Variants in TMEM178B observed in about 807,000 individuals in gnomAD.
The protein encoded by TMEM178B is transmembrane protein 178B.
A neutral mutation model predicts 31.0 loss-of-function variants in TMEM178B; 5 were observed. The ratio of observed to expected loss-of-function variants is 0.16; its 90% CI spans 0.08 to 0.34. The LOEUF is 0.34. Among genes scored for constraint, TMEM178B ranks in the 10% least tolerant of loss-of-function variants. The probability of loss-of-function intolerance (pLI) is 1.00; values close to 1 mark genes in which losing one functional copy is unlikely to be tolerated. For synonymous variants in TMEM178B, 164 were observed against 164.0 expected (o/e 1.00, Z 0.00); for missense variants, 275 against 400.3 (o/e 0.69, Z 2.67).
At chr7:141,300,837 T>C (rs1798711636) in intron 2 of TMEM178B, among the ~76,000 whole-genome samples, 1 of 152,122 alleles carries the variant, frequency 6.6e-6, no homozygotes, top group Non-Finnish European at 1.5e-5. Context: ...TTTCCTCTTT[T>C]CTCTTTCTAT....
At chr7:141,495,626 T>C in the TMEM178B span, among the ~76,000 whole-genome samples, 1 of 152,208 alleles carries the variant, frequency 6.6e-6, no homozygotes, top group East Asian at 1.9e-4. Context: ...TATACAAAGA[T>C]ATTCATTGCA....
chr7:141,124,956 CCTGGGCTA>C (rs1795466377), intron 1 of TMEM178B, among the ~76,000 whole-genome samples: 1 of 152,152 alleles, frequency 6.6e-6, no homozygotes, highest in Non-Finnish European at 1.5e-5. Context: ...TCCAGAATTA[CCTGGGCTA>C]CCTAATATCC....
At chr7:141,467,956 T>C (rs1336604769) in intron 3 of TMEM178B, among the ~76,000 whole-genome samples, 1 of 149,456 alleles carries the variant, frequency 6.7e-6, no homozygotes, top group Non-Finnish European at 1.5e-5. Context: ...CTTACTAGTT[T>C]TGGAGATGAT....
chr7:141,309,177 C>A (rs1160376247), intron 2 of TMEM178B, among the ~76,000 whole-genome samples: 1 of 152,120 alleles, frequency 6.6e-6, no homozygotes, highest in African/African-American at 2.4e-5. Context: ...ATAAAAATCA[C>A]CTGTATCTCC....
At chr7:141,105,180 A>G (rs1330749174) in intron 1 of TMEM178B, among the ~76,000 whole-genome samples, 1 of 152,174 alleles carries the variant, frequency 6.6e-6, no homozygotes, top group Admixed American at 6.5e-5. Context: ...TCATTGTATG[A>G]GCAAACCCCT....
intron 1 of TMEM178B, among the ~76,000 whole-genome samples, chr7:141,206,933 C>T (rs1299096711): frequency 6.6e-6 from 1 of 152,194 alleles, no homozygotes; most frequent in Non-Finnish European, 1.5e-5. Context: ...AATGGAATCT[C>T]CCCATTTCTC....
At chr7:141,245,544 A>G (rs1797716610) in intron 2 of TMEM178B, among the ~76,000 whole-genome samples, 1 of 152,230 alleles carries the variant, frequency 6.6e-6, no homozygotes, top group South Asian at 2.1e-4. Context: ...TTACAGCAAG[A>G]AGAGAAATCA....
chr7:141,174,133 C>A (rs1156267583), intron 1 of TMEM178B, among the ~76,000 whole-genome samples: 1 of 152,066 alleles, frequency 6.6e-6, no homozygotes, highest in Non-Finnish European at 1.5e-5. Context: ...CCCTGACAGG[C>A]CCCAGTGTGT....
chr7:141,263,640 A>G (rs1798050562), intron 2 of TMEM178B, among the ~76,000 whole-genome samples: 8 of 152,192 alleles, frequency 5.3e-5, no homozygotes, highest in Admixed American at 5.2e-4. Flanking sequence ...TTGCCTTATG[A>G]TGACGACAGG....
intron 1 of TMEM178B, among the ~76,000 whole-genome samples, chr7:141,086,356 T>C (rs568743078): frequency 9.8e-5 from 15 of 152,350 alleles, no homozygotes; most frequent in Admixed American, 3.3e-4. Context: ...TATTAAAACA[T>C]GTATTTCAAA....
chr7:141,215,774 T>TTTCC (rs1432951741), intron 2 of TMEM178B, among the ~76,000 whole-genome samples: 1,710 of 144,472 alleles, frequency 0.012, 22 homozygotes, highest in East Asian at 0.055. Flanking sequence ...AATTATATAC[T>TTTCC]TTCCTTTCTT....
rs114662253 is a variant in TMEM178B, at chr7:141,303,004, A to C, written c.496+90300A>C. Among the ~76,000 whole-genome samples, 658 of 152,340 alleles carry C rather than the reference A, an allele frequency of 4.3e-3. 4 individuals carry two copies. The highest frequency in any genetic ancestry group is 0.014 in the African/African-American group (587 of 41,578). On this transcript the variant is annotated intron_variant, in intron 2 of 3. Transcript: ENST00000565468. ...TACTGAGAAGGGTTCATTAATTCAC[A>C]TATAGGAGTTCCAGGGGGAGAAATG...
At chr7:141,427,065 A>T (rs1234591277) in intron 2 of TMEM178B, among the ~76,000 whole-genome samples, 1 of 152,192 alleles carries the variant, frequency 6.6e-6, no homozygotes, top group Non-Finnish European at 1.5e-5. Context: ...ATTGAAGAAG[A>T]CACTAATAAC....
At chr7:141,307,300 G>A (rs1435184745) in intron 2 of TMEM178B, among the ~76,000 whole-genome samples, 1 of 152,200 alleles carries the variant, frequency 6.6e-6, no homozygotes, top group Non-Finnish European at 1.5e-5. Flanking sequence ...GATTAATTTA[G>A]CAAGGATTAA....
intron 3 of TMEM178B, 96 bp downstream of exon 3, chr7:141,437,841 T>C: frequency 1.4e-6 from 2 of 1,471,526 alleles, no homozygotes; most frequent in Non-Finnish European, 1.8e-6. Flanking sequence ...GAGGGGACCA[T>C]GACGTGACTG....
chr7:141,339,338 G>A (rs1197131092), intron 2 of TMEM178B, among the ~76,000 whole-genome samples: 2 of 152,156 alleles, frequency 1.3e-5, no homozygotes, highest in African/African-American at 4.8e-5. Context: ...CCAGAGAATG[G>A]GCAGTGTGCT....
chr7:141,172,143 A>G (rs2129182874), intron 1 of TMEM178B, among the ~76,000 whole-genome samples: 1 of 152,284 alleles, frequency 6.6e-6, no homozygotes, highest in Non-Finnish European at 1.5e-5. Flanking sequence ...CAGAGTTGGA[A>G]TCAGTATTCC....
intron 3 of TMEM178B, among the ~76,000 whole-genome samples, chr7:141,453,004 C>A (rs1801897302): frequency 1.3e-5 from 2 of 152,228 alleles, no homozygotes; most frequent in African/African-American, 4.8e-5. Context: ...ACTGTCACTG[C>A]CTCCATGACA....
At chr7:141,493,163 G>A in the TMEM178B span, among the ~76,000 whole-genome samples, 1 of 152,122 alleles carries the variant, frequency 6.6e-6, no homozygotes, top group Non-Finnish European at 1.5e-5. Flanking sequence ...GGTTGTCTGT[G>A]TGACATCTCC....
Sources: gnomAD v4.1 joint callset for allele counts (sites outside exome capture counted in the v4.1 genomes callset) on GRCh38, gnomAD v4.1.1 for gene constraint, MANE v1.5 for transcripts, NCBI Gene and HGNC (gene_info 2026-07-23, HGNC 2026-07-21) for gene names.